Variants in CDH20 observed in about 807,000 individuals in gnomAD.
CDH20 encodes the protein cadherin-20.
CDH20 carries 29 observed loss-of-function variants against 74.2 expected under a neutral mutation model. The ratio of observed to expected loss-of-function variants is 0.39; its 90% confidence interval spans 0.29 to 0.53. CDH20 has a LOEUF of 0.53. Ranked by LOEUF, CDH20 falls within the 20% of genes least tolerant of loss-of-function variation. The probability of loss-of-function intolerance (pLI) is 0.69; values close to 1 mark genes in which losing one functional copy is unlikely to be tolerated. For synonymous variants in CDH20, 469 were observed against 405.4 expected (o/e 1.16, Z -1.88); for missense variants, 988 against 1,048.3 (o/e 0.94, Z 0.79).
chr18:61,399,918 G>A (rs1912103103), intron 1 of CDH20, among the ~76,000 whole-genome samples: 1 of 152,210 alleles, frequency 6.6e-6, no homozygotes. Flanking sequence ...TATTCTGTCA[G>A]TTTTAATTGA....
chr18:61,459,665 G>A (rs1403428752), intron 1 of CDH20, among the ~76,000 whole-genome samples: 5 of 152,092 alleles, frequency 3.3e-5, no homozygotes, highest in African/African-American at 4.8e-5. Flanking sequence ...GCCCCACCCC[G>A]GGGTGACCTC....
At chr18:61,402,973 C>T (rs550227066) in intron 1 of CDH20, among the ~76,000 whole-genome samples, 1 of 152,244 alleles carries the variant, frequency 6.6e-6, no homozygotes, top group Non-Finnish European at 1.5e-5. Context: ...AAATATTTCT[C>T]CTCAATCCTT....
At chr18:61,433,367 T>C (rs1437157454) in intron 1 of CDH20, among the ~76,000 whole-genome samples, 1 of 152,214 alleles carries the variant, frequency 6.6e-6, no homozygotes, top group East Asian at 1.9e-4. Flanking sequence ...TCATTTTTGG[T>C]GTTTATTTCT....
At chr18:61,398,795 A>G (rs1912068087) in intron 1 of CDH20, among the ~76,000 whole-genome samples, 1 of 152,200 alleles carries the variant, frequency 6.6e-6, no homozygotes, top group Non-Finnish European at 1.5e-5. Flanking sequence ...ACAAAGAAGC[A>G]TGGCCCAGTA....
intron 5 of CDH20, among the ~76,000 whole-genome samples, chr18:61,503,691 T>C (rs949837070): frequency 1.3e-5 from 2 of 152,316 alleles, no homozygotes; most frequent in Admixed American, 1.3e-4. Flanking sequence ...TCTGCCCTTG[T>C]GAAGCTTCAA....
At chr18:61,513,552 C>T (rs1911863753) in intron 6 of CDH20, among the ~76,000 whole-genome samples, 1 of 148,310 alleles carries the variant, frequency 6.7e-6, no homozygotes, top group South Asian at 2.2e-4. Context: ...ACGATGTTAG[C>T]TGGTTATTTT....
At chr18:61,439,582 C>A (rs569155447) in intron 1 of CDH20, among the ~76,000 whole-genome samples, 1 of 152,200 alleles carries the variant, frequency 6.6e-6, no homozygotes, top group East Asian at 1.9e-4. Flanking sequence ...AATTTAGTCT[C>A]TGATTTACCT....
intron 1 of CDH20, among the ~76,000 whole-genome samples, chr18:61,343,296 T>C (rs540032877): frequency 9.8e-5 from 15 of 152,312 alleles, no homozygotes; most frequent in African/African-American, 3.4e-4. Context: ...CATTATGGTA[T>C]GCCAGTCATA....
At chr18:61,484,180 A>G (rs555281761) in intron 1 of CDH20, among the ~76,000 whole-genome samples, 1 of 152,372 alleles carries the variant, frequency 6.6e-6, no homozygotes, top group South Asian at 2.1e-4. Context: ...TGCTTTTTAT[A>G]AAGAATGAGC....
At chr18:61,476,002 A>G (rs943920132) in intron 1 of CDH20, among the ~76,000 whole-genome samples, 1 of 152,186 alleles carries the variant, frequency 6.6e-6, no homozygotes, top group African/African-American at 2.4e-5. Context: ...AAGTTCTTCA[A>G]CATTGAACTC....
chr18:61,370,914 A>G (rs1911016492), intron 1 of CDH20, among the ~76,000 whole-genome samples: 1 of 152,092 alleles, frequency 6.6e-6, no homozygotes, highest in African/African-American at 2.4e-5. Flanking sequence ...TTCTTTTTAA[A>G]TAGTGATGGC....
intron 6 of CDH20, 24 bp downstream of exon 6, chr18:61,507,584 C>A (rs1547956): frequency 0.8 from 1,246,783 of 1,566,372 alleles, 498,897 homozygotes; most frequent in Non-Finnish European, 0.81. Context: ...TTTTTCTAAA[C>A]CACTTTCATG....
intron 1 of CDH20, among the ~76,000 whole-genome samples, chr18:61,411,472 C>G (rs1207808667): frequency 6.6e-6 from 1 of 152,050 alleles, no homozygotes; most frequent in Non-Finnish European, 1.5e-5. Context: ...TATAACAGCA[C>G]AATTCGCAAT....
At position 61,490,444 on chromosome 18, in the gene CDH20, T is replaced by C. The variant is rs1352448195; in HGVS notation, c.-110T>C. On this transcript the variant is annotated 5_prime_UTR_variant, in exon 2 of 12. Transcript: ENST00000262717. ...GATTGACTTGAAACGGGATCTCATT[T>C]AGGAAGCATAAGTGTCCAATCAAAA... 17 of 1,076,538 alleles carry C rather than the reference T, an allele frequency of 1.6e-5. No individual in the cohort carries two copies. In the South Asian group the frequency reaches 1.9e-4, roughly 12 times the overall value. The allele number at this position is 1,076,538 out of a possible 1,614,324, so 66.7% of individuals were successfully genotyped here. A position where few individuals can be genotyped will look rare whatever the true frequency, so the allele number is the denominator to read the frequency against.
At chr18:61,468,839 T>C (rs1479181826) in intron 1 of CDH20, among the ~76,000 whole-genome samples, 1 of 152,204 alleles carries the variant, frequency 6.6e-6, no homozygotes, top group East Asian at 1.9e-4. Flanking sequence ...TTTTGCTGTG[T>C]TTCCTTAAAA....
At chr18:61,417,578 TAAAAAAAAAAAAAAA>T (rs545256689) in intron 1 of CDH20, among the ~76,000 whole-genome samples, 10 of 62,344 alleles carry the variant, frequency 1.6e-4, no homozygotes, top group South Asian at 1.3e-3. Flanking sequence ...ATGTGGGAGC[TAAAAAAAAAAAAAAA>T]AAAAAAAAAA....
At chr18:61,526,022 G>A (rs1281126857) in intron 6 of CDH20, among the ~76,000 whole-genome samples, 1 of 136,394 alleles carries the variant, frequency 7.3e-6, no homozygotes, top group African/African-American at 2.8e-5. Context: ...GGTTGTCTTG[G>A]CTGGTCTTGA....
At chr18:61,340,610 C>T (rs1909917343) in intron 1 of CDH20, among the ~76,000 whole-genome samples, 1 of 152,114 alleles carries the variant, frequency 6.6e-6, no homozygotes, top group East Asian at 1.9e-4. Flanking sequence ...TATATTTATA[C>T]AAATCTTTGG....
At chr18:61,543,898 A>T (rs1454527951) in intron 9 of CDH20, among the ~76,000 whole-genome samples, 3 of 152,188 alleles carry the variant, frequency 2.0e-5, no homozygotes, top group Non-Finnish European at 2.9e-5. Context: ...ATGAGGTGAG[A>T]AGAAAATATG....
Sources: allele counts gnomAD v4.1 joint callset (sites outside exome capture counted in the v4.1 genomes callset), GRCh38; gene constraint gnomAD v4.1.1; transcripts MANE v1.5; gene names NCBI Gene and HGNC (gene_info 2026-07-23, HGNC 2026-07-21).